Variants in ODR4 observed in about 807,000 individuals in gnomAD.
The protein encoded by ODR4 is protein odr-4 homolog.
ODR4 carries 47 observed loss-of-function variants against 60.2 expected under a neutral mutation model. The observed-to-expected ratio is 0.78, with a 90% CI of 0.62 to 1.00. ODR4 has a LOEUF of 1.00. ODR4 is among the 50% of genes least tolerant of loss of function. The probability of loss-of-function intolerance (pLI) is 0.00; values close to 1 mark genes in which losing one functional copy is unlikely to be tolerated. For missense variants in ODR4, 488 were observed against 530.8 expected, an observed-to-expected ratio of 0.92 and a Z score of 0.79; for synonymous variants, 178 against 175.5, an observed-to-expected ratio of 1.01 and a Z score of -0.11.
chr1:186,422,405 TAAAG>T (rs1222550968), downstream of ODR4, among the ~76,000 whole-genome samples: 3 of 152,174 alleles, frequency 2.0e-5, no homozygotes, highest in African/African-American at 7.2e-5. Flanking sequence ...TAATTAATGA[TAAAG>T]AATTAGTGAA....
chr1:186,407,882 G>A (rs572330561), intron 12 of ODR4, among the ~76,000 whole-genome samples: 2 of 152,160 alleles, frequency 1.3e-5, no homozygotes, highest in Admixed American at 6.5e-5. Flanking sequence ...ACTTTTAGAA[G>A]ATCCACAAAC....
intron 1 of ODR4, among the ~76,000 whole-genome samples, chr1:186,378,802 T>A (rs1357054498): frequency 6.6e-6 from 1 of 152,236 alleles, no homozygotes; most frequent in East Asian, 1.9e-4. Flanking sequence ...CCTGGGGTTT[T>A]ATGAATTATT....
chr1:186,398,357 T>C lies in ODR4; in HGVS notation c.825T>C (p.Cys275=), dbSNP rs1319817513. 3 of 1,611,198 alleles carry C rather than the reference T, an allele frequency of 1.9e-6. No homozygotes were observed. The highest frequency in any genetic ancestry group is 1.7e-6 in the Non-Finnish European group (2 of 1,178,458). Residue 275 remains cysteine, a synonymous_variant, in exon 10 of 14, where the codon TGT becomes TGC. Transcript: ENST00000287859. ...GATCCACAGCCACAGTCCAGATATG[T>C]AGCGGTTCTGTAAACCTTAAGGGTG... ...DHRSTATVQI[C]SGSVNLKGAV... is the part of the protein sequence containing the mutation.
chr1:186,430,440 T>C, the ODR4 span, among the ~76,000 whole-genome samples: 2 of 152,044 alleles, frequency 1.3e-5, no homozygotes, highest in Non-Finnish European at 2.9e-5. Flanking sequence ...AGGAACTTAA[T>C]GATAGAGATG....
At chr1:186,397,406 A>AT (rs1357203398) in intron 9 of ODR4, among the ~76,000 whole-genome samples, 2 of 149,912 alleles carry the variant, frequency 1.3e-5, no homozygotes, top group Non-Finnish European at 1.5e-5. Flanking sequence ...TTTTTTGGTT[A>AT]TTTTTTGTAA....
intron 8 of ODR4, among the ~76,000 whole-genome samples, 179 bp downstream of exon 8, chr1:186,391,970 C>T (rs1660484561): frequency 6.6e-6 from 1 of 151,848 alleles, no homozygotes; most frequent in Non-Finnish European, 1.5e-5. Flanking sequence ...AAAAAGTAGG[C>T]AGAGGATATG....
intron 12 of ODR4, among the ~76,000 whole-genome samples, chr1:186,410,438 T>C (rs1375117839): frequency 2.0e-5 from 3 of 152,198 alleles, no homozygotes; most frequent in Non-Finnish European, 4.4e-5. Flanking sequence ...TATCAGATGT[T>C]TATTAAGCTT....
intron 1 of ODR4, among the ~76,000 whole-genome samples, chr1:186,376,491 G>T (rs188988192): frequency 2.6e-5 from 4 of 152,270 alleles, no homozygotes; most frequent in Admixed American, 2.0e-4. Flanking sequence ...TCTCTCTGCA[G>T]TTCCCACAGT....
chr1:186,402,224 T>TTCTTTCTTTCTTTCTTTCTTTCTC, intron 11 of ODR4, among the ~76,000 whole-genome samples: 1 of 150,194 alleles, frequency 6.7e-6, no homozygotes. Context: ...CTTTCTTTCT[T>TTCTTTCTTTCTTTCTTTCTTTCTC]TCTTTCTTTC....
At chr1:186,383,184 T>C in intron 3 of ODR4, 28 bp downstream of exon 3, 2 of 1,535,916 alleles carry the variant, frequency 1.3e-6, no homozygotes, top group Non-Finnish European at 8.8e-7. Context: ...TTTATATGTT[T>C]AAGTTTTATT....
intron 4 of ODR4, 137 bp downstream of exon 4, chr1:186,386,220 C>A (rs931407386): frequency 3.4e-5 from 17 of 506,166 alleles, no homozygotes; most frequent in African/African-American, 2.4e-4. Context: ...ATTGAAAAAG[C>A]TTTTGTCACT....
downstream of ODR4, among the ~76,000 whole-genome samples, chr1:186,422,343 C>T (rs1571710141): frequency 6.6e-6 from 1 of 151,960 alleles, no homozygotes; most frequent in East Asian, 1.9e-4. Flanking sequence ...TGAACTGAAG[C>T]AACAATAGGG....
intron 11 of ODR4, among the ~76,000 whole-genome samples, chr1:186,404,537 A>C (rs962332846): frequency 6.6e-6 from 1 of 152,210 alleles, no homozygotes; most frequent in African/African-American, 2.4e-5. Flanking sequence ...GTTTCAAGTA[A>C]CTGTGGCTCA....
chr1:186,415,818 T>C (rs924456488), intron 12 of ODR4, among the ~76,000 whole-genome samples: 5 of 152,216 alleles, frequency 3.3e-5, no homozygotes, highest in African/African-American at 1.2e-4. Context: ...GCTGTCAGCA[T>C]AATGAAGTAG....
chr1:186,396,772 CACAT>C, intron 9 of ODR4, among the ~76,000 whole-genome samples: 1 of 143,582 alleles, frequency 7.0e-6, no homozygotes, highest in African/African-American at 2.6e-5. Flanking sequence ...TGTATATACA[CACAT>C]ACACATATAT....
At position 186,410,770 on chromosome 1, in the gene ODR4, C is replaced by T. The variant is rs896984866; in HGVS notation, c.1186+4502C>T. Among the ~76,000 whole-genome samples, 10 of 152,300 alleles carry T rather than the reference C, an allele frequency of 6.6e-5. No individual in the cohort carries two copies. In the East Asian group the frequency reaches 1.9e-3, roughly 29 times the overall value. ...GTGGCTCACGCCTGTAGTCCCAGCACTTTGGGAGGCCAAGGCGGGTGGATC... is the reference window on the plus strand; with the variant it reads ...GTGGCTCACGCCTGTAGTCCCAGCATTTTGGGAGGCCAAGGCGGGTGGATC... On this transcript the variant is annotated intron_variant, in intron 12 of 13. Coordinates refer to ENST00000287859, the MANE Select transcript of ODR4 (RefSeq NM_017847.6).
the ODR4 span, among the ~76,000 whole-genome samples, chr1:186,428,360 C>T: frequency 1.3e-5 from 2 of 152,172 alleles, no homozygotes; most frequent in Non-Finnish European, 2.9e-5. Flanking sequence ...ATGAACCAAC[C>T]TCTGCTAGCT....
In ODR4 at chr1:186,390,787, A is replaced by T; in HGVS notation, c.551A>T (p.His184Leu). Residue 184 changes from histidine to leucine, a missense_variant, in exon 7 of 14, where the codon CAC becomes CTC. Coordinates refer to ENST00000287859, the MANE Select transcript of ODR4 (RefSeq NM_017847.6). Reference protein sequence around the residue: ...SSWLSLECTVHINIHIPLSAT... With the variant: ...SSWLSLECTVLINIHIPLSAT... ...TGGCTTTCTTTAGAGTGTACAGTTC[A>T]CATTAATATTCACATCCCACTTTCT... 3 of 1,612,846 alleles carry T rather than the reference A, an allele frequency of 1.9e-6. No individual in the cohort carries two copies. The highest frequency in any genetic ancestry group is 2.5e-6 in the Non-Finnish European group (3 of 1,179,000).
chr1:186,422,398 T>C (rs1345706025), downstream of ODR4, among the ~76,000 whole-genome samples: 1 of 152,164 alleles, frequency 6.6e-6, no homozygotes, highest in East Asian at 1.9e-4. Flanking sequence ...CAACAACTAA[T>C]TAATGATAAA....
Sources: allele counts gnomAD v4.1 joint callset (sites outside exome capture counted in the v4.1 genomes callset), GRCh38; gene constraint gnomAD v4.1.1; transcripts MANE v1.5; gene names NCBI Gene and HGNC (gene_info 2026-07-23, HGNC 2026-07-21).